The following PHKB variants were observed in gnomAD, a reference collection of about 807,000 sequenced individuals.
PHKB encodes the protein phosphorylase kinase regulatory subunit beta.
PHKB carries 122 observed loss-of-function variants against 152.1 expected under a neutral mutation model. The observed-to-expected ratio is 0.80, with a 90% CI of 0.69 to 0.93. PHKB has a LOEUF of 0.93. PHKB is among the 40% of genes least tolerant of loss of function. The pLI is 0.00. For synonymous variants in PHKB, 436 were observed against 464.9 expected (o/e 0.94, Z 0.80); for missense variants, 1,304 against 1,328.4 (o/e 0.98, Z 0.29).
intron 27 of PHKB, among the ~76,000 whole-genome samples, chr16:47,692,678 GA>G (rs1405087833): frequency 6.6e-6 from 1 of 151,978 alleles, no homozygotes; most frequent in Non-Finnish European, 1.5e-5. Flanking sequence ...ACTTTTGCAA[GA>G]ATATTTTTAG....
chr16:47,611,663 C>G (rs913092247), intron 14 of PHKB, among the ~76,000 whole-genome samples: 1 of 151,996 alleles, frequency 6.6e-6, no homozygotes, highest in African/African-American at 2.4e-5. Flanking sequence ...GTGTATTATA[C>G]ACACAAACAC....
intron 13 of PHKB, among the ~76,000 whole-genome samples, chr16:47,604,394 C>T (rs576528456): frequency 1.3e-5 from 2 of 152,104 alleles, no homozygotes; most frequent in South Asian, 4.2e-4. Context: ...TTAGAAAGTC[C>T]ATCCTTGTTA....
At chr16:47,656,689 C>T (rs1013549678) in intron 20 of PHKB, among the ~76,000 whole-genome samples, 2 of 152,144 alleles carry the variant, frequency 1.3e-5, no homozygotes, top group African/African-American at 4.8e-5. Flanking sequence ...CCTCATTCCC[C>T]CCACACTCCA....
rs1307591742 is a variant in PHKB at position 47,469,326 on chromosome 16, A to G, written c.76+7900A>G. 2.0e-5 allele frequency among the ~76,000 whole-genome samples: 3 copies of G among 152,200 alleles called. No individual in the cohort carries two copies. The East Asian group carries it at 5.8e-4, about 29-fold the overall frequency. On this transcript the variant is annotated intron_variant, in intron 1 of 30. Coordinates refer to ENST00000323584, the MANE Select transcript of PHKB (RefSeq NM_000293.3). ...ATTGAATCTTACAAACTGTGAACTCAATAGCAAAGACATGGAATCAACCTA... is the reference window on the plus strand; with the variant it reads ...ATTGAATCTTACAAACTGTGAACTCGATAGCAAAGACATGGAATCAACCTA...
intron 24 of PHKB, chr16:47,664,511 TAAACA>T (rs1973503146): frequency 4.4e-6 from 1 of 228,236 alleles, no homozygotes; most frequent in Admixed American, 5.2e-5. Flanking sequence ...ATAAGGGGAT[TAAACA>T]AAACAATCCC....
intron 23 of PHKB, among the ~76,000 whole-genome samples, chr16:47,662,311 G>T (rs954649328): frequency 9.2e-5 from 14 of 152,156 alleles, no homozygotes; most frequent in Non-Finnish European, 1.5e-4. Flanking sequence ...ATGAAAACCA[G>T]TTATCCCCCA....
intron 7 of PHKB, among the ~76,000 whole-genome samples, chr16:47,572,782 C>T (rs566826351): frequency 4.8e-4 from 73 of 152,260 alleles, no homozygotes; most frequent in Non-Finnish European, 8.8e-4. Context: ...CATGAACAGG[C>T]CCAAGGCCTC....
chr16:47,559,924 C>CA (rs1233182751), intron 7 of PHKB, among the ~76,000 whole-genome samples: 8 of 151,918 alleles, frequency 5.3e-5, no homozygotes, highest in East Asian at 1.9e-4. Flanking sequence ...TATTTCTCTC[C>CA]AAAAAAAACT....
At chr16:47,698,832 A>G (rs1027264711) in intron 30 of PHKB, among the ~76,000 whole-genome samples, 9 of 152,096 alleles carry the variant, frequency 5.9e-5, no homozygotes, top group Non-Finnish European at 1.3e-4. Context: ...TTTCCTTTAT[A>G]TGGTTAGCAT....
In PHKB at chr16:47,664,069, T is replaced by C. The variant is rs9922531; in HGVS notation, c.2336+335T>C. ...ATTTAGGAAACCTGTTCTGCTATTA[T>C]AGAAGGCCATGAAAAGAGACCAGTG... On this transcript the variant is annotated intron_variant, in intron 24 of 30. Transcript: ENST00000323584. 2.4e-3 allele frequency: 728 copies of C among 299,278 alleles called. 7 individuals carry two copies. Among genetic ancestry groups the C allele is most frequent in the African/African-American group, 0.015 (679 of 46,048 alleles). The allele number at this position is 299,278 out of a possible 1,614,324, so 18.5% of individuals were successfully genotyped here. A position where few individuals can be genotyped will look rare whatever the true frequency, so the allele number is the denominator to read the frequency against.
intron 7 of PHKB, among the ~76,000 whole-genome samples, chr16:47,564,262 A>C (rs1221609175): frequency 6.6e-6 from 1 of 151,650 alleles, no homozygotes; most frequent in Non-Finnish European, 1.5e-5. Context: ...ACTGTCTTTC[A>C]TAAATATCGT....
intron 6 of PHKB, among the ~76,000 whole-genome samples, chr16:47,534,143 G>A (rs1970911515): frequency 6.6e-6 from 1 of 152,254 alleles, no homozygotes; most frequent in Admixed American, 6.5e-5. Context: ...AGAGCATGCA[G>A]CCCGGGTGTA....
At chr16:47,547,768 A>C in intron 7 of PHKB, 1 of 502,706 alleles carries the variant, frequency 2.0e-6, no homozygotes, top group Non-Finnish European at 3.6e-6. Flanking sequence ...GTCTTTCCCA[A>C]CCTCCCAAGG....
chr16:47,610,983 G>A (rs981711292), intron 14 of PHKB, 63 bp downstream of exon 14: 2 of 1,021,954 alleles, frequency 2.0e-6, no homozygotes, highest in Non-Finnish European at 3.1e-6. Flanking sequence ...TAATTGAAGA[G>A]GAAATTTTTG....
intron 1 of PHKB, among the ~76,000 whole-genome samples, chr16:47,486,665 T>G (rs1970054902): frequency 6.6e-6 from 1 of 152,196 alleles, no homozygotes. Context: ...CACCCTCCTG[T>G]GTGCATGTAT....
chr16:47,686,864 A>G (rs1973974330), intron 26 of PHKB, among the ~76,000 whole-genome samples: 1 of 152,236 alleles, frequency 6.6e-6, no homozygotes, highest in Admixed American at 6.5e-5. Context: ...TCCCAATACC[A>G]TTATCATACC....
chr16:47,500,754 A>T (rs1056378175), intron 3 of PHKB, among the ~76,000 whole-genome samples: 2 of 152,170 alleles, frequency 1.3e-5, no homozygotes, highest in Non-Finnish European at 2.9e-5. Context: ...TATTTATTTC[A>T]TTATATGTAG....
chr16:47,529,206 T>A (rs1970817992), intron 6 of PHKB: 1 of 152,136 alleles, frequency 6.6e-6, no homozygotes, highest in Admixed American at 6.5e-5. Flanking sequence ...AAGAAGTTTC[T>A]TGGCCAGGTG....
chr16:47,565,191 G>T, intron 7 of PHKB: 1 of 607,308 alleles, frequency 1.6e-6, no homozygotes, highest in Non-Finnish European at 3.2e-6. Context: ...GGTTTATATG[G>T]CTCAGGTGCA....
Sources: gnomAD v4.1 joint callset for allele counts (sites outside exome capture counted in the v4.1 genomes callset) on GRCh38, gnomAD v4.1.1 for gene constraint, MANE v1.5 for transcripts, NCBI Gene and HGNC (gene_info 2026-07-23, HGNC 2026-07-21) for gene names.